COL19A1: variants seen among roughly 807,000 people sequenced by gnomAD.
COL19A1 encodes the protein collagen type XIX alpha 1 chain, also known as collagen alpha-1(XIX) chain.
In COL19A1, 159 loss-of-function variants were observed where a neutral mutation model predicts 190.2. The observed-to-expected ratio is 0.84, with a 90% CI of 0.73 to 0.95. The LOEUF (loss-of-function observed/expected upper bound fraction) is 0.95, where lower values mean the gene tolerates loss of function less well. Ranked by LOEUF, COL19A1 falls within the 40% of genes least tolerant of loss-of-function variation. The probability of loss-of-function intolerance (pLI) is 0.00; values close to 1 mark genes in which losing one functional copy is unlikely to be tolerated. For synonymous variants in COL19A1, 509 were observed against 458.9 expected, an observed-to-expected ratio of 1.11 and a Z score of -1.39; for missense variants, 1,418 against 1,431.9, an observed-to-expected ratio of 0.99 and a Z score of 0.16.
intron 34 of COL19A1, among the ~76,000 whole-genome samples, chr6:70,157,179 T>C (rs1787492201): frequency 6.6e-6 from 1 of 152,062 alleles, no homozygotes; most frequent in African/African-American, 2.4e-5. Flanking sequence ...CAACCTTGGA[T>C]TGTCTGTGTC....
chr6:70,161,425 C>T (rs909472456), intron 34 of COL19A1, among the ~76,000 whole-genome samples: 1 of 152,148 alleles, frequency 6.6e-6, no homozygotes, highest in African/African-American at 2.4e-5. Flanking sequence ...ATTATGTTTG[C>T]TTCAGATTCC....
At chr6:70,000,241 A>G (rs1371530071) in intron 11 of COL19A1, among the ~76,000 whole-genome samples, 1 of 152,182 alleles carries the variant, frequency 6.6e-6, no homozygotes, top group Non-Finnish European at 1.5e-5. Flanking sequence ...GTGTATATGT[A>G]CAACATTTTC....
chr6:69,996,940 A>G (rs113438191), intron 11 of COL19A1, among the ~76,000 whole-genome samples: 95 of 139,716 alleles, frequency 6.8e-4, no homozygotes, highest in Middle Eastern at 3.6e-3. Flanking sequence ...GTGTGTGTGT[A>G]TATATATGTA....
intron 11 of COL19A1, among the ~76,000 whole-genome samples, chr6:69,975,987 G>C (rs1342114212): frequency 6.6e-6 from 1 of 152,114 alleles, no homozygotes; most frequent in Non-Finnish European, 1.5e-5. Flanking sequence ...TTTGTTTTCT[G>C]ACATGGTATT....
At position 70,210,183 on chromosome 6, in the gene COL19A1, T is replaced by A. The variant is rs1339249548; in HGVS notation, c.*2909T>A. The stretch of plus-strand genomic sequence containing the variant: ...GACGATTAATATTAAAACTGTGATT[T>A]CCATATACAAGTATGTTTGAGTTCC... On this transcript the variant is annotated 3_prime_UTR_variant, in exon 51 of 51. Coordinates refer to ENST00000620364, the MANE Select transcript of COL19A1 (RefSeq NM_001858.6). Among the ~76,000 whole-genome samples the A allele has an allele frequency of 2.6e-5, 4 of 151,956 alleles. No individual in the cohort carries two copies. The highest frequency in any genetic ancestry group is 5.9e-5 in the Non-Finnish European group (4 of 68,006).
intron 15 of COL19A1, among the ~76,000 whole-genome samples, chr6:70,092,088 C>T (rs1226009277): frequency 1.3e-5 from 2 of 151,922 alleles, no homozygotes; most frequent in Admixed American, 6.6e-5. Flanking sequence ...TGGGAAATGC[C>T]GTCTGAACAC....
At chr6:69,955,662 T>G (rs893104799) in intron 9 of COL19A1, among the ~76,000 whole-genome samples, 6 of 151,710 alleles carry the variant, frequency 4.0e-5, no homozygotes, top group Non-Finnish European at 8.8e-5. Flanking sequence ...GAGAGCCACA[T>G]TTTAAAAGAC....
intron 16 of COL19A1, among the ~76,000 whole-genome samples, chr6:70,113,842 CTTTTTTTTT>C (rs34876942): frequency 7.8e-5 from 5 of 64,136 alleles, no homozygotes; most frequent in African/African-American, 2.8e-4. Context: ...CCAAGTCTTT[CTTTTTTTTT>C]TTTTTTTTTT....
At chr6:70,006,361 A>G (rs547963076) in intron 11 of COL19A1, among the ~76,000 whole-genome samples, 4 of 152,310 alleles carry the variant, frequency 2.6e-5, no homozygotes, top group Admixed American at 6.5e-5. Context: ...CTGGCTAGGC[A>G]GCATGCTCAC....
chr6:70,142,672 T>C (rs1416187094), intron 22 of COL19A1, 95 bp from the exon 23 acceptor site: 7 of 1,081,392 alleles, frequency 6.5e-6, no homozygotes, highest in Non-Finnish European at 9.4e-6. Flanking sequence ...TTCCTATACA[T>C]GAAGATCACA....
chr6:69,974,489 A>G (rs186325929), intron 11 of COL19A1, among the ~76,000 whole-genome samples: 3 of 152,282 alleles, frequency 2.0e-5, no homozygotes, highest in Non-Finnish European at 2.9e-5. Flanking sequence ...CTTGGTAAGA[A>G]CTACAAGGCT....
intron 9 of COL19A1, among the ~76,000 whole-genome samples, chr6:69,955,399 C>G (rs1020469977): frequency 6.6e-6 from 1 of 152,012 alleles, no homozygotes; most frequent in Non-Finnish European, 1.5e-5. Flanking sequence ...AAAATAACAT[C>G]CCTTTGACAG....
At chr6:70,132,635 C>G (rs570722808) in intron 18 of COL19A1, among the ~76,000 whole-genome samples, 1 of 152,298 alleles carries the variant, frequency 6.6e-6, no homozygotes, top group African/African-American at 2.4e-5. Flanking sequence ...CCTGGCTGCA[C>G]ATTGGAATCA....
intron 14 of COL19A1, among the ~76,000 whole-genome samples, chr6:70,038,706 A>G (rs904794759): frequency 1.5e-4 from 23 of 152,274 alleles, no homozygotes; most frequent in African/African-American, 5.5e-4. Context: ...GTTCAAATGC[A>G]TATTTTTATT....
intron 4 of COL19A1, among the ~76,000 whole-genome samples, chr6:69,926,395 A>G (rs1350759276): frequency 6.6e-6 from 1 of 151,988 alleles, no homozygotes; most frequent in African/African-American, 2.4e-5. Context: ...ACTGTAATGA[A>G]CTAAAGAAAA....
chr6:70,204,137 A>C (rs532311587), intron 49 of COL19A1, among the ~76,000 whole-genome samples: 3 of 152,326 alleles, frequency 2.0e-5, no homozygotes, highest in Admixed American at 1.3e-4. Context: ...CTGGGATTGC[A>C]GGTGTGAGCC....
chr6:69,936,670 A>G, intron 7 of COL19A1, 115 bp from the exon 8 acceptor site: 1 of 1,352,436 alleles, frequency 7.4e-7, no homozygotes, highest in Non-Finnish European at 1.0e-6. Context: ...TTGGTTAGTA[A>G]GAAGCAGTTC....
At chr6:70,182,004 A>T (rs1039656656) in intron 44 of COL19A1, among the ~76,000 whole-genome samples, 3 of 152,226 alleles carry the variant, frequency 2.0e-5, no homozygotes, top group Non-Finnish European at 2.9e-5. Flanking sequence ...TTTGGATTTC[A>T]TTTGAAATAT....
Position 70,060,362 on chromosome 6 carries a change from C to A in COL19A1, c.1171-8061C>A, listed in dbSNP as rs372485035. The stretch of plus-strand genomic sequence containing the variant: ...TTGTAGAGGTTAGAAAAAAATGAGC[C>A]TGTATCCTCTACAGCAGGGGTCCCC... On this transcript the variant is annotated intron_variant, in intron 14 of 50. Coordinates refer to ENST00000620364, the MANE Select transcript of COL19A1 (RefSeq NM_001858.6). 1.1e-4 allele frequency among the ~76,000 whole-genome samples: 17 copies of A among 152,222 alleles called. No homozygotes were observed. In the South Asian group the frequency reaches 3.1e-3, roughly 28 times the overall value.
Sources: allele counts gnomAD v4.1 joint callset (sites outside exome capture counted in the v4.1 genomes callset), GRCh38; gene constraint gnomAD v4.1.1; transcripts MANE v1.5; gene names NCBI Gene and HGNC (gene_info 2026-07-23, HGNC 2026-07-21).